The following NAALADL2 variants were observed in gnomAD, a reference collection of about 807,000 sequenced individuals.
NAALADL2 encodes the protein inactive N-acetylated-alpha-linked acidic dipeptidase-like protein 2.
In NAALADL2, 76 loss-of-function variants were observed where a neutral mutation model predicts 87.2. That is an observed-to-expected ratio of 0.87 (90% CI 0.72 to 1.05). NAALADL2 has a LOEUF of 1.05. Among genes scored for constraint, NAALADL2 ranks in the 50% least tolerant of loss-of-function variants. The probability of loss-of-function intolerance (pLI) is 0.00; values close to 1 mark genes in which losing one functional copy is unlikely to be tolerated. For missense variants in NAALADL2, 1,089 were observed against 945.8 expected, an observed-to-expected ratio of 1.15 and a Z score of -1.99; for synonymous variants, 354 against 331.0, an observed-to-expected ratio of 1.07 and a Z score of -0.75.
At chr3:175,216,577 G>A (rs1188260837) in intron 2 of NAALADL2, among the ~76,000 whole-genome samples, 2 of 151,868 alleles carry the variant, frequency 1.3e-5, no homozygotes, top group African/African-American at 2.4e-5. Context: ...TCTTTAGTGA[G>A]GTACAGAACT....
intron 6 of NAALADL2, among the ~76,000 whole-genome samples, chr3:175,451,602 C>A (rs1254508059): frequency 6.6e-6 from 1 of 151,870 alleles, no homozygotes; most frequent in African/African-American, 2.4e-5. Context: ...TTTTAAAATC[C>A]ATTAATGTAA....
At chr3:175,304,213 T>C (rs894741595) in intron 4 of NAALADL2, among the ~76,000 whole-genome samples, 1 of 152,228 alleles carries the variant, frequency 6.6e-6, no homozygotes, top group African/African-American at 2.4e-5. Flanking sequence ...GTCTGGTTTC[T>C]TTCACATCAG....
At chr3:174,923,001 G>C (rs1229832840) in intron 1 of NAALADL2, among the ~76,000 whole-genome samples, 3 of 152,076 alleles carry the variant, frequency 2.0e-5, no homozygotes, top group African/African-American at 4.8e-5. Flanking sequence ...GAGATACTTT[G>C]AGATTATGCA....
At chr3:175,023,239 T>C (rs557641980) in intron 1 of NAALADL2, among the ~76,000 whole-genome samples, 69 of 147,106 alleles carry the variant, frequency 4.7e-4, no homozygotes, top group Middle Eastern at 3.5e-3. Context: ...GATGTATCCA[T>C]TGGGGATAAA....
chr3:175,603,684 A>G (rs975578489), intron 10 of NAALADL2, among the ~76,000 whole-genome samples: 5 of 152,172 alleles, frequency 3.3e-5, no homozygotes, highest in Admixed American at 1.3e-4. Flanking sequence ...ATTCCATTGC[A>G]TGTATAGGCT....
chr3:175,068,091 C>A (rs540483033), intron 1 of NAALADL2, among the ~76,000 whole-genome samples: 1 of 151,808 alleles, frequency 6.6e-6, no homozygotes. Context: ...CTATTACAGT[C>A]GGGGGAAAGG....
At chr3:175,280,557 C>T (rs528934722) in intron 4 of NAALADL2, among the ~76,000 whole-genome samples, 2 of 152,170 alleles carry the variant, frequency 1.3e-5, no homozygotes, top group South Asian at 4.1e-4. Flanking sequence ...TCAGCAAAAG[C>T]TATTGGAGAT....
At chr3:175,034,441 G>A (rs935327039) in intron 1 of NAALADL2, among the ~76,000 whole-genome samples, 22 of 151,944 alleles carry the variant, frequency 1.4e-4, no homozygotes, top group South Asian at 6.2e-4. Context: ...GAAATTTTGC[G>A]CCTGTTATCA....
intron 4 of NAALADL2, among the ~76,000 whole-genome samples, chr3:175,261,237 C>T (rs1050926242): frequency 5.3e-5 from 8 of 151,962 alleles, no homozygotes; most frequent in African/African-American, 1.5e-4. Context: ...AAACAGATAC[C>T]GAGACCCTCA....
At chr3:174,967,684 G>C (rs1375034297) in intron 1 of NAALADL2, among the ~76,000 whole-genome samples, 2 of 152,194 alleles carry the variant, frequency 1.3e-5, no homozygotes, top group Non-Finnish European at 2.9e-5. Context: ...GGGACTTGCT[G>C]ACAGCCAGTA....
intron 10 of NAALADL2, among the ~76,000 whole-genome samples, chr3:175,593,392 T>C (rs942007479): frequency 1.3e-5 from 2 of 152,188 alleles, no homozygotes; most frequent in African/African-American, 4.8e-5. Flanking sequence ...GTAAGCATAT[T>C]TGTATGGCAC....
intron 2 of NAALADL2, among the ~76,000 whole-genome samples, chr3:175,180,462 T>A (rs1174496603): frequency 6.6e-6 from 1 of 151,924 alleles, no homozygotes; most frequent in Non-Finnish European, 1.5e-5. Context: ...GTAAGATAAT[T>A]TTCAAAGCTT....
At chr3:175,067,838 C>A (rs1714821461) in intron 1 of NAALADL2, among the ~76,000 whole-genome samples, 1 of 152,084 alleles carries the variant, frequency 6.6e-6, no homozygotes, top group Admixed American at 6.6e-5. Context: ...TGGAATCCAC[C>A]CATGTGCCTA....
intron 10 of NAALADL2, 54 bp downstream of exon 10, chr3:175,576,241 G>T: frequency 1.3e-6 from 2 of 1,497,470 alleles, no homozygotes; most frequent in Non-Finnish European, 9.0e-7. Context: ...TAGACCTGCA[G>T]AATTTGATTT....
intron 1 of NAALADL2, among the ~76,000 whole-genome samples, chr3:175,013,267 TTATATATATACATATA>T (rs1480849535): frequency 2.1e-4 from 23 of 109,220 alleles, no homozygotes; most frequent in African/African-American, 9.4e-4. Flanking sequence ...ACATATATTT[TTATATATATACATATA>T]TATATATATA....
chr3:175,193,359 A>G (rs1738493348), intron 2 of NAALADL2, among the ~76,000 whole-genome samples: 1 of 151,904 alleles, frequency 6.6e-6, no homozygotes, highest in Non-Finnish European at 1.5e-5. Context: ...TATCTCAAGG[A>G]GAACACAACT....
At chr3:175,034,045 C>T (rs951042370) in intron 1 of NAALADL2, among the ~76,000 whole-genome samples, 21 of 152,150 alleles carry the variant, frequency 1.4e-4, no homozygotes, top group Admixed American at 1.1e-3. Context: ...TCTTGATTCT[C>T]AAGTTAAAAC....
intron 9 of NAALADL2, among the ~76,000 whole-genome samples, chr3:175,542,729 G>GA (rs1038345284): frequency 6.6e-6 from 1 of 151,600 alleles, no homozygotes; most frequent in African/African-American, 2.4e-5. Flanking sequence ...TGTAATTATT[G>GA]AAAAAAAATC....
chr3:174,742,462 C>T (rs1733854727), intron 3 of NAALADL2, among the ~76,000 whole-genome samples: 1 of 151,552 alleles, frequency 6.6e-6, no homozygotes, highest in African/African-American at 2.4e-5. Flanking sequence ...CAACCTAGTA[C>T]CTATTCATAT....
Sources: allele counts gnomAD v4.1 joint callset (sites outside exome capture counted in the v4.1 genomes callset), GRCh38; gene constraint gnomAD v4.1.1; transcripts MANE v1.5; gene names NCBI Gene and HGNC (gene_info 2026-07-23, HGNC 2026-07-21).